NAA25: variants seen among roughly 807,000 people sequenced by gnomAD.
NAA25 encodes the protein N-terminal acetyltransferase B complex subunit NAA25.
In NAA25, 30 loss-of-function variants were observed where a neutral mutation model predicts 132.5. The ratio of observed to expected loss-of-function variants is 0.23; its 90% CI spans 0.17 to 0.31. The LOEUF (loss-of-function observed/expected upper bound fraction) is 0.31. Ranked by LOEUF, NAA25 falls within the 10% of genes least tolerant of loss-of-function variation. The pLI, the probability that NAA25 is intolerant of heterozygous loss-of-function variation, is 1.00. For synonymous variants in NAA25, 359 were observed against 401.9 expected (o/e 0.89, Z 1.28); for missense variants, 771 against 1,150.4 (o/e 0.67, Z 4.77).
At chr12:112,051,709 G>A (rs1377727603) in intron 15 of NAA25, among the ~76,000 whole-genome samples, 2 of 151,976 alleles carry the variant, frequency 1.3e-5, no homozygotes, top group Non-Finnish European at 2.9e-5. Flanking sequence ...ACAACCATCA[G>A]CAAAACATAA....
intron 11 of NAA25, among the ~76,000 whole-genome samples, chr12:112,061,945 T>C (rs1440218758): frequency 6.6e-6 from 1 of 152,226 alleles, no homozygotes; most frequent in Non-Finnish European, 1.5e-5. Flanking sequence ...TCCAGTTTTC[T>C]CCGAATGGTT....
rs993094920 is a variant in NAA25, at chr12:112,068,790, G to A, written c.1149+90C>T. The A allele has an allele frequency of 1.0e-5, 7 of 694,040 alleles. No individual in the cohort carries two copies. The East Asian group carries it at 1.0e-4, about 10-fold the overall frequency. 43.0% of individuals were successfully genotyped at this position (694,040 alleles called of 1,614,324 possible). ...ATTGTATCTCATGATTATCAATTCC[G>A]CACATTTTAGAAAAGAAACCCAAAC... On this transcript the variant is annotated intron_variant, in intron 11 of 23. Transcript: ENST00000261745.
rs2078333159 is a variant in NAA25, at chr12:112,043,664, G to C, written c.2211C>G (p.Thr737=). Residue 737 remains threonine (T), a synonymous_variant, in exon 18 of 24, where the codon ACC becomes ACG. Transcript: ENST00000261745. ...CAATAAATCGCTTTCCTGTCTCCAG[G>C]GTTGCCTCCAGCTGTTGAAGGAGCA... is the stretch of plus-strand genomic sequence containing the variant. ...LRLLLQQLEA[T]LETGKRFIEK... The C allele has an allele frequency of 1.9e-6, 3 of 1,613,968 alleles. No individual in the cohort carries two copies. Among genetic ancestry groups the C allele is most frequent in the South Asian group, 1.1e-5 (1 of 91,078 alleles).
chr12:112,038,244 C>T (rs1158340765), intron 22 of NAA25, among the ~76,000 whole-genome samples: 2 of 152,114 alleles, frequency 1.3e-5, no homozygotes, highest in Non-Finnish European at 2.9e-5. Flanking sequence ...GAACTCCTGA[C>T]CTCAAGTGAT....
rs375177339 is a variant in NAA25 at position 112,090,561 on chromosome 12, TAAAC to T, written c.283+161_283+164del. The T allele has an allele frequency of 3.4e-4, 195 of 568,148 alleles. No homozygotes were observed. The African/African-American group carries it at 3.5e-3, about 10-fold the overall frequency. 35.2% of individuals were successfully genotyped at this position (568,148 alleles called of 1,614,324 possible). A position where few individuals can be genotyped will look rare whatever the true frequency, so the allele number is the denominator to read the frequency against. ...TCCAATTCAAGGATCCTAATGCATG[TAAAC>T]TATCCTTTCTATCTACAGTTCTCGC... On this transcript the variant is annotated intron_variant, in intron 3 of 23. Coordinates refer to ENST00000261745, the MANE Select transcript of NAA25 (RefSeq NM_024953.4).
chr12:112,053,820 T>TAAAAAAAA (rs1375852857), intron 14 of NAA25, among the ~76,000 whole-genome samples, 163 bp from the exon 15 acceptor site: 1 of 109,876 alleles, frequency 9.1e-6, no homozygotes, highest in African/African-American at 4.9e-5. Flanking sequence ...CAGTTAAAAT[T>TAAAAAAAA]TAAAAAAAAA....
chr12:112,036,813 C>T (rs1337696234), intron 22 of NAA25, among the ~76,000 whole-genome samples: 1 of 151,152 alleles, frequency 6.6e-6, no homozygotes, highest in South Asian at 2.1e-4. Flanking sequence ...TGCACTCCAG[C>T]CTGGGCAACA....
At chr12:112,053,679 A>T in intron 14 of NAA25, 22 bp from the exon 15 acceptor site, 1 of 1,500,766 alleles carries the variant, frequency 6.7e-7, no homozygotes, top group Non-Finnish European at 9.2e-7. Context: ...GGAAAGAAGG[A>T]AAAAAAAAGA....
At chr12:112,051,740 T>A (rs1257951989) in intron 15 of NAA25, among the ~76,000 whole-genome samples, 1 of 152,140 alleles carries the variant, frequency 6.6e-6, no homozygotes, top group East Asian at 1.9e-4. Flanking sequence ...CAAAAAAAAC[T>A]CTGAGGATGA....
chr12:112,098,009 T>A (rs1408553653), intron 1 of NAA25, among the ~76,000 whole-genome samples: 4 of 149,978 alleles, frequency 2.7e-5, no homozygotes, highest in Non-Finnish European at 5.9e-5. Context: ...TAATCCCAGC[T>A]ACTTGGGAGG....
At chr12:112,053,703 CT>C in intron 14 of NAA25, 46 bp from the exon 15 acceptor site, 3 of 1,357,768 alleles carry the variant, frequency 2.2e-6, no homozygotes, top group Non-Finnish European at 3.1e-6. Context: ...GTTATACTTA[CT>C]TACCTAGCTC....
Position 112,033,450 on chromosome 12 carries a change from C to T in NAA25, c.2650-71G>A, listed in dbSNP as rs1440293226. 3 of 1,388,810 alleles carry T rather than the reference C, an allele frequency of 2.2e-6. No homozygotes were observed. In the East Asian group the frequency reaches 7.5e-5, roughly 35 times the overall value. 86.0% of individuals were successfully genotyped at this position (1,388,810 alleles called of 1,614,324 possible). A position where few individuals can be genotyped will look rare whatever the true frequency, so the allele number is the denominator to read the frequency against. ...ACCCATATCTACATCACAAAAGCTA[C>T]TGAAAGATGTGAGGGAATTTAAATA... is the stretch of plus-strand genomic sequence containing the variant. On this transcript the variant is annotated intron_variant, in intron 22 of 23. Transcript: ENST00000261745.
At chr12:112,097,826 A>G (rs924034564) in intron 1 of NAA25, among the ~76,000 whole-genome samples, 1 of 152,104 alleles carries the variant, frequency 6.6e-6, no homozygotes, top group Middle Eastern at 3.4e-3. Context: ...AAAAAACATT[A>G]TGAAGAACCG....
intron 17 of NAA25, among the ~76,000 whole-genome samples, chr12:112,047,354 C>A (rs1183640531): frequency 6.6e-6 from 1 of 151,350 alleles, no homozygotes; most frequent in Non-Finnish European, 1.5e-5. Flanking sequence ...GCCTCAGCTT[C>A]CCGAATAGCT....
intron 12 of NAA25, 23 bp downstream of exon 12, chr12:112,061,158 G>A: frequency 1.3e-6 from 2 of 1,520,406 alleles, no homozygotes; most frequent in South Asian, 1.3e-5. Context: ...GGGAACTACT[G>A]CACATTTTGA....
chr12:112,038,700 C>T (rs148134364), intron 22 of NAA25, among the ~76,000 whole-genome samples: 1 of 152,116 alleles, frequency 6.6e-6, no homozygotes, highest in African/African-American at 2.4e-5. Context: ...CTAATGTTGG[C>T]CAGGTGCAGT....
intron 3 of NAA25, among the ~76,000 whole-genome samples, chr12:112,090,123 G>A (rs752242668): frequency 2.6e-5 from 4 of 151,960 alleles, no homozygotes; most frequent in Non-Finnish European, 4.4e-5. Context: ...TAGCCACTAC[G>A]CCTGGCAACG....
chr12:112,030,196 G>C (rs961964311), intron 23 of NAA25, among the ~76,000 whole-genome samples: 1 of 97,076 alleles, frequency 1.0e-5, no homozygotes, highest in South Asian at 3.8e-4. Flanking sequence ...CTGGGCGACA[G>C]AGTAAAGCTG....
At chr12:112,082,381 G>C (rs2078985363) in intron 4 of NAA25, among the ~76,000 whole-genome samples, 1 of 152,052 alleles carries the variant, frequency 6.6e-6, no homozygotes, top group Non-Finnish European at 1.5e-5. Context: ...ACCAGCCTGG[G>C]CAACATTGTA....
Sources: allele counts gnomAD v4.1 joint callset (sites outside exome capture counted in the v4.1 genomes callset), GRCh38; gene constraint gnomAD v4.1.1; transcripts MANE v1.5; gene names NCBI Gene and HGNC (gene_info 2026-07-23, HGNC 2026-07-21).